FAR2: variants seen among roughly 807,000 people sequenced by gnomAD.
FAR2 encodes fatty acyl-CoA reductase 2, also known as epididymis secretory protein Li 81.
FAR2 carries 19 observed loss-of-function variants against 56.0 expected under a neutral mutation model. The observed-to-expected ratio is 0.34, with a 90% CI of 0.24 to 0.50. FAR2 has a LOEUF of 0.50. Among genes scored for constraint, FAR2 ranks in the 20% least tolerant of loss-of-function variants. FAR2 has a pLI of 0.98. For synonymous variants in FAR2, 219 were observed against 218.8 expected, an observed-to-expected ratio of 1.00 and a Z score of -0.01; for missense variants, 508 against 642.2, an observed-to-expected ratio of 0.79 and a Z score of 2.26.
chr12:29,181,195 CCT>C (rs10603615), intron 1 of FAR2, among the ~76,000 whole-genome samples: 5,884 of 152,080 alleles, frequency 0.039, 326 homozygotes, highest in African/African-American at 0.13. Flanking sequence ...GATTAGTTTT[CCT>C]GACGTTCACC....
intron 2 of FAR2, among the ~76,000 whole-genome samples, chr12:29,276,110 T>C (rs1030710133): frequency 3.3e-5 from 5 of 152,172 alleles, no homozygotes; most frequent in African/African-American, 1.2e-4. Context: ...ACTAGATATA[T>C]ACTTTGCTGA....
At position 29,278,515 on chromosome 12, in the gene FAR2, A is replaced by ATT. The variant is rs76118860; in HGVS notation, c.189+7889_189+7890dup. ...ACACCATGCCCAGCTATTGTTTTTA[A>ATT]TTTTTTTTTTTTTAAGACATGGTGG... On this transcript the variant is annotated intron_variant, in intron 2 of 11. Coordinates refer to ENST00000536681, the MANE Select transcript of FAR2 (RefSeq NM_001271783.2). 2.1e-5 allele frequency among the ~76,000 whole-genome samples: 3 copies of ATT among 145,256 alleles called. No individual in the cohort carries two copies. The East Asian group carries it at 6.0e-4, about 29-fold the overall frequency.
intron 2 of FAR2, among the ~76,000 whole-genome samples, chr12:29,285,131 G>A (rs948721628): frequency 9.2e-5 from 14 of 151,954 alleles, no homozygotes; most frequent in Non-Finnish European, 1.2e-4. Context: ...GTGAGCCACC[G>A]CGCCCGGCCG....
intron 3 of FAR2, 38 bp from the exon 4 acceptor site, chr12:29,296,983 T>C (rs1949082406): frequency 1.3e-6 from 2 of 1,544,876 alleles, no homozygotes; most frequent in African/African-American, 1.4e-5. Flanking sequence ...TGATACTGAC[T>C]TACTTCATTG....
At chr12:29,218,026 A>G (rs1277135136) in intron 1 of FAR2, among the ~76,000 whole-genome samples, 1 of 152,090 alleles carries the variant, frequency 6.6e-6, no homozygotes, top group Non-Finnish European at 1.5e-5. Context: ...TAATAAAATG[A>G]TACTGTAGAA....
chr12:29,168,686 C>CTTCCAGTGGGTTCTTGGTTTT (rs1591827443), intron 1 of FAR2, among the ~76,000 whole-genome samples: 1 of 152,176 alleles, frequency 6.6e-6, no homozygotes, highest in East Asian at 1.9e-4. Flanking sequence ...TTTGTGGTCT[C>CTTCCAGTGGGTTCTTGGTTTT]GCTGACTTCA....
chr12:29,239,215 G>C (rs950229880), intron 1 of FAR2, among the ~76,000 whole-genome samples: 2 of 152,138 alleles, frequency 1.3e-5, no homozygotes, highest in Non-Finnish European at 2.9e-5. Flanking sequence ...CACACGGAGT[G>C]AGTCACTAGG....
At chr12:29,263,229 T>A (rs1231558413) in intron 1 of FAR2, among the ~76,000 whole-genome samples, 1 of 152,166 alleles carries the variant, frequency 6.6e-6, no homozygotes, top group Non-Finnish European at 1.5e-5. Flanking sequence ...ACCTTCAGCA[T>A]TGGACAGACC....
chr12:29,206,694 G>A (rs530007504), intron 1 of FAR2, among the ~76,000 whole-genome samples: 2 of 152,262 alleles, frequency 1.3e-5, no homozygotes, highest in South Asian at 4.1e-4. Context: ...GTGTTAAATA[G>A]GAATAAAAGA....
At chr12:29,249,475 A>T (rs565277832) in intron 1 of FAR2, among the ~76,000 whole-genome samples, 1 of 152,364 alleles carries the variant, frequency 6.6e-6, no homozygotes, top group African/African-American at 2.4e-5. Context: ...CCAAAGGGAA[A>T]ATACTTTTTA....
At chr12:29,215,464 T>A (rs1359408011) in intron 1 of FAR2, among the ~76,000 whole-genome samples, 1 of 152,250 alleles carries the variant, frequency 6.6e-6, no homozygotes, top group Admixed American at 6.5e-5. Flanking sequence ...CTTTCATTTG[T>A]ACATTATTTT....
At chr12:29,302,236 GAAAAAAAAAAAA>G (rs57752714) in intron 4 of FAR2, among the ~76,000 whole-genome samples, 21,945 of 93,428 alleles carry the variant, frequency 0.23, 1,927 homozygotes, top group Middle Eastern at 0.43. Context: ...CATCTCAAAG[GAAAAAAAAAAAA>G]AAAAAAAAAA....
At chr12:29,183,980 G>A (rs1950014843) in intron 1 of FAR2, among the ~76,000 whole-genome samples, 1 of 152,122 alleles carries the variant, frequency 6.6e-6, no homozygotes, top group African/African-American at 2.4e-5. Flanking sequence ...TATCAACACA[G>A]ATTTGGAACT....
intron 1 of FAR2, among the ~76,000 whole-genome samples, chr12:29,214,798 G>A (rs1947600699): frequency 6.6e-6 from 1 of 151,596 alleles, no homozygotes; most frequent in Non-Finnish European, 1.5e-5. Context: ...TCCAGCCTGG[G>A]CAACAGAGAG....
intron 1 of FAR2, among the ~76,000 whole-genome samples, chr12:29,191,557 A>T (rs1227631887): frequency 6.6e-6 from 1 of 152,260 alleles, no homozygotes; most frequent in East Asian, 1.9e-4. Flanking sequence ...AAACAAATGC[A>T]ACATAATAGC....
intron 1 of FAR2, among the ~76,000 whole-genome samples, chr12:29,184,722 C>T (rs572269379): frequency 4.9e-4 from 74 of 152,250 alleles, no homozygotes; most frequent in African/African-American, 1.6e-3. Context: ...CAGGCGTGAG[C>T]CACTGAGCCC....
At chr12:29,218,762 A>G (rs1017480557) in intron 1 of FAR2, among the ~76,000 whole-genome samples, 1 of 152,244 alleles carries the variant, frequency 6.6e-6, no homozygotes, top group African/African-American at 2.4e-5. Flanking sequence ...AAGGGGAAAA[A>G]GTTATATTTA....
At chr12:29,264,375 G>A (rs1948475923) in intron 1 of FAR2, among the ~76,000 whole-genome samples, 1 of 152,080 alleles carries the variant, frequency 6.6e-6, no homozygotes, top group Non-Finnish European at 1.5e-5. Flanking sequence ...ATACTGAATG[G>A]GGAAAAACGA....
intron 2 of FAR2, among the ~76,000 whole-genome samples, chr12:29,275,154 C>T (rs896689157): frequency 6.6e-6 from 1 of 150,538 alleles, no homozygotes; most frequent in Non-Finnish European, 1.5e-5. Context: ...GGGCTGAGTC[C>T]GAAAAGAGAG....
Sources: gnomAD v4.1 joint callset for allele counts (sites outside exome capture counted in the v4.1 genomes callset) on GRCh38, gnomAD v4.1.1 for gene constraint, MANE v1.5 for transcripts, NCBI Gene and HGNC (gene_info 2026-07-23, HGNC 2026-07-21) for gene names.